Variants in SUGCT observed in about 807,000 individuals in gnomAD.
SUGCT encodes succinyl-CoA:glutarate-CoA transferase, also known as succinyl-CoA:glutarate CoA-transferase.
A neutral mutation model predicts 55.0 loss-of-function variants in SUGCT; 41 were observed. The observed-to-expected ratio is 0.74, with a 90% CI of 0.58 to 0.97. The LOEUF (loss-of-function observed/expected upper bound fraction) is 0.97, where lower values mean the gene tolerates loss of function less well. SUGCT is among the 50% of genes least tolerant of loss of function. SUGCT has a pLI of 0.00. For missense variants in SUGCT, 568 were observed against 547.8 expected, an observed-to-expected ratio of 1.04 and a Z score of -0.37; for synonymous variants, 187 against 200.4, an observed-to-expected ratio of 0.93 and a Z score of 0.56.
chr7:40,883,909 G>A, the SUGCT span, among the ~76,000 whole-genome samples: 470 of 152,266 alleles, frequency 3.1e-3, 1 homozygote, highest in Non-Finnish European at 5.8e-3. Context: ...CACAGACAGA[G>A]TCTCCAGTAA....
chr7:40,912,348 A>G, the SUGCT span, among the ~76,000 whole-genome samples: 3 of 152,210 alleles, frequency 2.0e-5, no homozygotes, highest in Admixed American at 6.6e-5. Context: ...TCTTGCTTGT[A>G]TGACATTTTG....
intron 11 of SUGCT, among the ~76,000 whole-genome samples, chr7:40,485,079 A>G (rs1043086079): frequency 1.3e-5 from 2 of 152,230 alleles, no homozygotes; most frequent in Admixed American, 6.5e-5. Flanking sequence ...GTAGCTTAGC[A>G]CAGAGCCTTG....
chr7:40,692,612 A>C (rs1276903039), intron 12 of SUGCT, among the ~76,000 whole-genome samples: 1 of 152,158 alleles, frequency 6.6e-6, no homozygotes, highest in African/African-American at 2.4e-5. Flanking sequence ...TGCAGCACAC[A>C]CTTTGGCTAA....
intron 10 of SUGCT, among the ~76,000 whole-genome samples, chr7:40,456,099 C>T (rs1029709094): frequency 6.6e-6 from 1 of 152,052 alleles, no homozygotes; most frequent in African/African-American, 2.4e-5. Context: ...GATCTCGGCT[C>T]ACTGCAACCT....
intron 1 of SUGCT, among the ~76,000 whole-genome samples, chr7:40,168,443 G>T (rs973087998): frequency 2.0e-5 from 3 of 152,166 alleles, no homozygotes; most frequent in African/African-American, 7.2e-5. Context: ...TCTATTTGAA[G>T]AACAATTTGT....
At chr7:40,140,422 G>A (rs1787922645) in intron 1 of SUGCT, among the ~76,000 whole-genome samples, 1 of 151,184 alleles carries the variant, frequency 6.6e-6, no homozygotes, top group Non-Finnish European at 1.5e-5. Flanking sequence ...ATTTATTGAG[G>A]TAGAGTCTTG....
intron 1 of SUGCT, among the ~76,000 whole-genome samples, chr7:40,171,292 A>G (rs1278819667): frequency 6.6e-6 from 1 of 152,226 alleles, no homozygotes; most frequent in East Asian, 1.9e-4. Flanking sequence ...AAGTACTGTA[A>G]GGCTTGCCTG....
chr7:40,284,392 G>C (rs1402334889), intron 8 of SUGCT, among the ~76,000 whole-genome samples: 1 of 152,108 alleles, frequency 6.6e-6, no homozygotes. Context: ...TGGATCACTT[G>C]AGGTCAGGAG....
chr7:40,877,471 A>G, the SUGCT span, among the ~76,000 whole-genome samples: 1 of 152,196 alleles, frequency 6.6e-6, no homozygotes, highest in South Asian at 2.1e-4. Context: ...TATGCACTCA[A>G]TGAGTGGGGA....
At position 40,428,694 on chromosome 7, in the gene SUGCT, T is replaced by C. The variant is rs367905832; in HGVS notation, c.817-20593T>C. Among the ~76,000 whole-genome samples the C allele has an allele frequency of 1.9e-4, 29 of 152,346 alleles. No individual in the cohort carries two copies. The East Asian group carries it at 5.4e-3, about 28-fold the overall frequency. ...CAGCTATTTTATACTGTGTATCCAT[T>C]AACCTGTTTTATTGTCATGGTTGTT... On this transcript the variant is annotated intron_variant, in intron 9 of 13. Transcript: ENST00000335693.
chr7:40,398,237 A>G (rs1210176304), intron 9 of SUGCT, among the ~76,000 whole-genome samples: 1 of 152,104 alleles, frequency 6.6e-6, no homozygotes, highest in East Asian at 1.9e-4. Context: ...GATTACAGGC[A>G]CATGCCACCA....
At chr7:40,625,238 G>A (rs1446551004) in intron 12 of SUGCT, among the ~76,000 whole-genome samples, 1 of 151,960 alleles carries the variant, frequency 6.6e-6, no homozygotes, top group Non-Finnish European at 1.5e-5. Flanking sequence ...TGACCTAGAC[G>A]TGGAACTCAA....
At chr7:40,188,661 T>C in intron 4 of SUGCT, 81 bp downstream of exon 4, 1 of 812,840 alleles carries the variant, frequency 1.2e-6, no homozygotes, top group Non-Finnish European at 1.9e-6. Context: ...GTGGCTTGTT[T>C]TTTTCTTCCT....
intron 12 of SUGCT, among the ~76,000 whole-genome samples, chr7:40,634,157 TAG>T (rs1198259325): frequency 6.6e-6 from 1 of 151,998 alleles, no homozygotes; most frequent in African/African-American, 2.4e-5. Flanking sequence ...ACTTAAAAAA[TAG>T]AGTTTCACTG....
the SUGCT span, among the ~76,000 whole-genome samples, chr7:40,901,484 A>G: frequency 2.0e-5 from 3 of 150,396 alleles, no homozygotes; most frequent in Admixed American, 6.8e-5. Flanking sequence ...ACCTTAGTAT[A>G]CTAGACAGTG....
chr7:40,204,229 G>A (rs1786804601), intron 6 of SUGCT, among the ~76,000 whole-genome samples: 1 of 151,514 alleles, frequency 6.6e-6, no homozygotes. Flanking sequence ...GGCCTCAAGT[G>A]ATCCTCCTGC....
intron 7 of SUGCT, among the ~76,000 whole-genome samples, chr7:40,245,715 G>C (rs1789826253): frequency 1.3e-5 from 2 of 151,814 alleles, no homozygotes; most frequent in African/African-American, 4.8e-5. Context: ...TGGGATTACA[G>C]GCGTGAGCCA....
At chr7:40,273,743 T>G (rs1440828977) in intron 7 of SUGCT, among the ~76,000 whole-genome samples, 1 of 152,194 alleles carries the variant, frequency 6.6e-6, no homozygotes, top group Non-Finnish European at 1.5e-5. Context: ...GATCCTTTCT[T>G]ACTGCAATAG....
chr7:40,669,368 AAT>A (rs1801819347), intron 12 of SUGCT, among the ~76,000 whole-genome samples: 1 of 146,796 alleles, frequency 6.8e-6, no homozygotes, highest in African/African-American at 2.6e-5. Context: ...AAAAAAAAAA[AAT>A]TACTCATCCA....
Sources: allele counts gnomAD v4.1 joint callset (sites outside exome capture counted in the v4.1 genomes callset), GRCh38; gene constraint gnomAD v4.1.1; transcripts MANE v1.5; gene names NCBI Gene and HGNC (gene_info 2026-07-23, HGNC 2026-07-21).